Variants in SPHKAP observed in about 807,000 individuals in gnomAD.
SPHKAP encodes SPHK1 interactor, AKAP domain containing, also known as A-kinase anchor protein SPHKAP.
A neutral mutation model predicts 137.5 loss-of-function variants in SPHKAP; 67 were observed. The ratio of observed to expected loss-of-function variants is 0.49; its 90% CI spans 0.40 to 0.60. The LOEUF is 0.60. SPHKAP is among the 20% of genes least tolerant of loss of function. SPHKAP has a pLI of 0.00. For missense variants in SPHKAP, 2,097 were observed against 2,069.3 expected (o/e 1.01, Z -0.26); for synonymous variants, 813 against 785.3 (o/e 1.04, Z -0.59).
In SPHKAP at chr2:228,017,953, C is replaced by T. The variant is rs1342025113; in HGVS notation, c.2901G>A (p.Glu967=). Residue 967 remains glutamate, a synonymous_variant, in exon 7 of 12, where the codon GAG becomes GAA. Transcript: ENST00000392056. Reference sequence around the variant, plus strand: ...AGGGTACGTTGGGTGTCATCAGAAACTCACTCCCTCTTTTCCATGCACAAA... The same window carrying T: ...AGGGTACGTTGGGTGTCATCAGAAATTCACTCCCTCTTTTCCATGCACAAA... ...PWFCAWKRGS[E]FLMTPNVPCR... The T allele has an allele frequency of 6.2e-7, 1 of 1,614,010 alleles. No homozygotes were observed. Among genetic ancestry groups the T allele is most frequent in the East Asian group, 2.2e-5 (1 of 44,862 alleles).
chr2:228,005,801 A>T (rs1287424936), intron 7 of SPHKAP, among the ~76,000 whole-genome samples: 1 of 152,070 alleles, frequency 6.6e-6, no homozygotes, highest in African/African-American at 2.4e-5. Flanking sequence ...TTTCTCCTTC[A>T]CTTATGAAGC....
intron 3 of SPHKAP, among the ~76,000 whole-genome samples, chr2:228,085,142 G>A (rs1384212397): frequency 6.6e-6 from 1 of 152,192 alleles, no homozygotes. Flanking sequence ...TTCTGACACT[G>A]CACTGTGAAG....
At chr2:228,114,249 T>C (rs960335931) in intron 2 of SPHKAP, among the ~76,000 whole-genome samples, 1 of 152,180 alleles carries the variant, frequency 6.6e-6, no homozygotes, top group South Asian at 2.1e-4. Context: ...GCAAATAAGG[T>C]TAGGAAGATC....
chr2:228,016,710 G>A lies in SPHKAP; in HGVS notation c.4144C>T (p.Pro1382Ser), dbSNP rs377022345. ...RKDSVTECKQ[P>S]PVSSLSKTAS... ...GTTTTGCTCAAAGATGACACTGGGG[G>A]CTGTTTACATTCGGTAACAGAGTCT... The change falls in exon 7 of 12, where the codon CCC (proline) becomes TCC (serine). Residue 1382 changes from proline (P) to serine (S), a missense_variant. Transcript: ENST00000392056. 14 of 1,613,976 alleles carry A rather than the reference G, an allele frequency of 8.7e-6. No individual in the cohort carries two copies. In the African/African-American group the frequency reaches 1.7e-4, roughly 20 times the overall value.
intron 7 of SPHKAP, among the ~76,000 whole-genome samples, chr2:228,004,617 C>G (rs1454185725): frequency 2.0e-5 from 3 of 152,138 alleles, no homozygotes; most frequent in African/African-American, 7.2e-5. Context: ...TGTGTTTGCT[C>G]TTGCTTCTCT....
intron 7 of SPHKAP, among the ~76,000 whole-genome samples, chr2:228,005,265 T>C (rs1184015228): frequency 1.3e-5 from 2 of 152,254 alleles, no homozygotes; most frequent in Non-Finnish European, 2.9e-5. Context: ...ATATTTAGGA[T>C]AGTTAGCTCT....
At chr2:228,178,014 CA>C (rs1349397472) in intron 1 of SPHKAP, among the ~76,000 whole-genome samples, 2 of 152,108 alleles carry the variant, frequency 1.3e-5, no homozygotes, top group African/African-American at 2.4e-5. Context: ...TAGATATGGC[CA>C]AGGTGACAAA....
At chr2:227,982,457 G>A (rs1693036105) in intron 11 of SPHKAP, 2 of 722,776 alleles carry the variant, frequency 2.8e-6, no homozygotes, top group Non-Finnish European at 3.4e-6. Flanking sequence ...CTGGGTATTG[G>A]TACCAGTTCT....
chr2:228,061,364 A>G (rs138385388), intron 3 of SPHKAP, among the ~76,000 whole-genome samples: 5,592 of 152,116 alleles, frequency 0.037, 151 homozygotes, highest in South Asian at 0.083. Flanking sequence ...CCTGGGTTCA[A>G]GTGATTCTCC....
At chr2:228,150,100 T>G (rs1699886649) in intron 1 of SPHKAP, among the ~76,000 whole-genome samples, 1 of 152,216 alleles carries the variant, frequency 6.6e-6, no homozygotes, top group East Asian at 1.9e-4. Context: ...GCTTTAATTT[T>G]ATTTGTTAAT....
At chr2:227,993,049 G>A (rs1317953101) in intron 9 of SPHKAP, among the ~76,000 whole-genome samples, 1 of 152,054 alleles carries the variant, frequency 6.6e-6, no homozygotes, top group Non-Finnish European at 1.5e-5. Context: ...CCATATTGTG[G>A]AGAGCATAGT....
chr2:228,000,853 G>A (rs34493616), intron 7 of SPHKAP, among the ~76,000 whole-genome samples: 35,772 of 151,938 alleles, frequency 0.24, 4,554 homozygotes, highest in South Asian at 0.43. Flanking sequence ...AAACATCTGT[G>A]TGCAGGTTTT....
At chr2:228,159,002 T>C (rs1166256873) in intron 1 of SPHKAP, among the ~76,000 whole-genome samples, 1 of 152,178 alleles carries the variant, frequency 6.6e-6, no homozygotes, top group East Asian at 1.9e-4. Flanking sequence ...TCCGTCCTTA[T>C]GTGGCAGAGA....
At chr2:228,180,777 A>C (rs1225679849) in intron 1 of SPHKAP, among the ~76,000 whole-genome samples, 1 of 152,224 alleles carries the variant, frequency 6.6e-6, no homozygotes, top group Non-Finnish European at 1.5e-5. Context: ...TATGGGAAAG[A>C]CATAAAAATC....
intron 3 of SPHKAP, among the ~76,000 whole-genome samples, chr2:228,072,163 A>G (rs57840141): frequency 0.018 from 2,817 of 152,300 alleles, 83 homozygotes; most frequent in African/African-American, 0.062. Context: ...TTGTTCTCAC[A>G]TCTTCACACT....
Position 228,137,189 on chromosome 2 carries a change from G to C in SPHKAP, c.33-5104C>G, listed in dbSNP as rs531801231. Among the ~76,000 whole-genome samples the C allele has an allele frequency of 1.1e-4, 17 of 152,230 alleles. No individual in the cohort carries two copies. The South Asian group carries it at 3.5e-3, about 32-fold the overall frequency. ...ACTTGTCCAAAAGGCATACAATTTT[G>C]TAATATTTGTCTCTTTCCAGTTTAG... is the stretch of plus-strand genomic sequence containing the variant. On this transcript the variant is annotated intron_variant, in intron 1 of 11. Transcript: ENST00000392056.
intron 3 of SPHKAP, among the ~76,000 whole-genome samples, chr2:228,107,102 C>T (rs1238671372): frequency 6.6e-6 from 1 of 151,692 alleles, no homozygotes; most frequent in Non-Finnish European, 1.5e-5. Flanking sequence ...CACTTAAAAT[C>T]CATTCTTTTG....
intron 3 of SPHKAP, among the ~76,000 whole-genome samples, chr2:228,088,136 TGA>T (rs1313356498): frequency 6.6e-6 from 1 of 151,922 alleles, no homozygotes; most frequent in African/African-American, 2.4e-5. Flanking sequence ...ACAAGAAAAG[TGA>T]GAGAGACCCA....
chr2:228,168,749 C>T (rs1331102863), intron 1 of SPHKAP, among the ~76,000 whole-genome samples: 1 of 152,092 alleles, frequency 6.6e-6, no homozygotes, highest in East Asian at 1.9e-4. Flanking sequence ...CATATCTCAC[C>T]TTACATCTAA....
Sources: gnomAD v4.1 joint callset for allele counts (sites outside exome capture counted in the v4.1 genomes callset) on GRCh38, gnomAD v4.1.1 for gene constraint, MANE v1.5 for transcripts, NCBI Gene and HGNC (gene_info 2026-07-23, HGNC 2026-07-21) for gene names.